MAPK10: variants seen among roughly 807,000 people sequenced by gnomAD.
MAPK10 encodes mitogen-activated protein kinase 10.
MAPK10 carries 25 observed loss-of-function variants against 59.3 expected under a neutral mutation model. The ratio of observed to expected loss-of-function variants is 0.42; its 90% CI spans 0.31 to 0.59. MAPK10 has a LOEUF of 0.59. MAPK10 is among the 20% of genes least tolerant of loss of function. The pLI is 0.15. For synonymous variants in MAPK10, 190 were observed against 200.5 expected (o/e 0.95, Z 0.44); for missense variants, 351 against 568.9 (o/e 0.62, Z 3.90).
At chr4:86,293,509 G>A (rs1019191144) in intron 2 of MAPK10, among the ~76,000 whole-genome samples, 4 of 152,166 alleles carry the variant, frequency 2.6e-5, no homozygotes, top group African/African-American at 4.8e-5. Context: ...TCTGCACTAG[G>A]AAGGCTGCTT....
At chr4:86,416,205 A>G (rs1014402482) in intron 1 of MAPK10, among the ~76,000 whole-genome samples, 5 of 152,216 alleles carry the variant, frequency 3.3e-5, no homozygotes, top group Non-Finnish European at 5.9e-5. Context: ...CACATGCACA[A>G]GGAAAACACC....
chr4:86,171,916 T>C (rs1386489293), intron 3 of MAPK10, among the ~76,000 whole-genome samples: 13 of 150,936 alleles, frequency 8.6e-5, no homozygotes, highest in African/African-American at 2.2e-4. Context: ...GGGCGAAGGA[T>C]ATGAACAGAC....
At chr4:86,102,092 T>C in intron 6 of MAPK10, 60 bp from the exon 7 acceptor site, 2 of 1,455,836 alleles carry the variant, frequency 1.4e-6, no homozygotes, top group Non-Finnish European at 1.9e-6. Flanking sequence ...GTCCTTTGAT[T>C]TAGTCAGAAT....
At chr4:86,359,263 C>CTCTCTCT (rs1554248207) in intron 1 of MAPK10, among the ~76,000 whole-genome samples, 9 of 53,450 alleles carry the variant, frequency 1.7e-4, no homozygotes, top group East Asian at 7.0e-4. Flanking sequence ...TTTTTTTTTT[C>CTCTCTCT]CTCTCTCTCT....
chr4:86,157,101 TG>T (rs2068019498), intron 4 of MAPK10, among the ~76,000 whole-genome samples: 1 of 152,028 alleles, frequency 6.6e-6, no homozygotes, highest in Admixed American at 6.6e-5. Flanking sequence ...TAACTTCTTT[TG>T]AAGATATTTT....
At chr4:86,174,707 C>T (rs747280006) in intron 3 of MAPK10, among the ~76,000 whole-genome samples, 30 of 152,154 alleles carry the variant, frequency 2.0e-4, no homozygotes, top group Non-Finnish European at 3.2e-4. Context: ...ACTCCTGAGT[C>T]ACCAGATAGA....
chr4:86,075,066 C>G (rs1579714878), intron 9 of MAPK10, among the ~76,000 whole-genome samples: 1 of 149,986 alleles, frequency 6.7e-6, no homozygotes, highest in South Asian at 2.1e-4. Flanking sequence ...CATATAGTCC[C>G]ATATTTCTTG....
At position 86,365,410 on chromosome 4, in the gene MAPK10, C is replaced by A. The variant is rs1473985207; in HGVS notation, c.-121-10766G>T. Among the ~76,000 whole-genome samples the A allele has an allele frequency of 3.5e-4, 38 of 107,380 alleles. 1 individual carries two copies. Among genetic ancestry groups the A allele is most frequent in the Non-Finnish European group, 5.1e-4 (29 of 57,050 alleles). 70.4% of individuals were successfully genotyped at this position (107,380 alleles called of 152,430 possible). A position where few individuals can be genotyped will look rare whatever the true frequency, so the allele number is the denominator to read the frequency against. On this transcript the variant is annotated intron_variant, in intron 1 of 13. Transcript: ENST00000361569. The stretch of plus-strand genomic sequence containing the variant: ...CTGCACCATTGCGCTCCAGCCTGGG[C>A]AACAGGGTGAGACTCTGTCTCAAAA...
rs1743641636 is a variant in MAPK10 at position 86,017,157 on chromosome 4, G to A, written c.*71C>T. On this transcript the variant is annotated 3_prime_UTR_variant, in exon 14 of 14. Transcript: ENST00000641462. This position sits in a 1 kb window ranked among gnomAD's most constrained non-coding sequence, Gnocchi z 4.4. ...TGTGTCTGCATTTGTGTGTGTGTGTGTGTCTGCGTGTGTGTGTGTTCCATC... is the reference window on the plus strand; with the variant it reads ...TGTGTCTGCATTTGTGTGTGTGTGTATGTCTGCGTGTGTGTGTGTTCCATC... The A allele has an allele frequency of 2.0e-6, 3 of 1,481,090 alleles. No individual in the cohort carries two copies. The South Asian group carries it at 3.6e-5, about 18-fold the overall frequency. 91.7% of individuals were successfully genotyped at this position (1,481,090 alleles called of 1,614,324 possible). A position where few individuals can be genotyped will look rare whatever the true frequency, so the allele number is the denominator to read the frequency against.
chr4:86,515,691 T>C (rs1756601801), intron 1 of MAPK10, among the ~76,000 whole-genome samples: 1 of 152,132 alleles, frequency 6.6e-6, no homozygotes, highest in African/African-American at 2.4e-5. Context: ...TTATTTGTTT[T>C]TTTTCTTGCT....
chr4:86,463,709 A>G (rs954920167), intron 1 of MAPK10, among the ~76,000 whole-genome samples: 4 of 152,176 alleles, frequency 2.6e-5, no homozygotes, highest in African/African-American at 9.7e-5. Context: ...GGGGACATTA[A>G]TTGGATATGA....
chr4:86,518,259 G>A (rs1756852626), intron 1 of MAPK10, among the ~76,000 whole-genome samples: 1 of 152,230 alleles, frequency 6.6e-6, no homozygotes, highest in Admixed American at 6.5e-5. Flanking sequence ...CTGGCCTCAA[G>A]TGATCTGCCC....
At chr4:86,033,990 C>T (rs1044039959) in intron 11 of MAPK10, among the ~76,000 whole-genome samples, 3 of 152,020 alleles carry the variant, frequency 2.0e-5, no homozygotes, top group Non-Finnish European at 4.4e-5. Context: ...TTTGAGCACT[C>T]GCTTGTGCTC....
chr4:86,553,569 G>A (rs1760023853), intron 1 of MAPK10, among the ~76,000 whole-genome samples: 1 of 152,098 alleles, frequency 6.6e-6, no homozygotes, highest in Non-Finnish European at 1.5e-5. Context: ...GAGGAAGGTG[G>A]GGTCAGGGTC....
At chr4:86,213,922 T>A (rs1459613612) in intron 2 of MAPK10, among the ~76,000 whole-genome samples, 4 of 151,718 alleles carry the variant, frequency 2.6e-5, no homozygotes, top group Admixed American at 6.6e-5. Flanking sequence ...TACAAGAAAA[T>A]AAAACCACAG....
At chr4:86,515,413 T>G (rs1756576233) in intron 1 of MAPK10, among the ~76,000 whole-genome samples, 1 of 152,220 alleles carries the variant, frequency 6.6e-6, no homozygotes, top group Non-Finnish European at 1.5e-5. Flanking sequence ...ATCTCCACAC[T>G]GTTTTTTATA....
chr4:86,250,799 G>A (rs2093372260), intron 2 of MAPK10, among the ~76,000 whole-genome samples: 1 of 152,140 alleles, frequency 6.6e-6, no homozygotes, highest in South Asian at 2.1e-4. Context: ...CAAAGAGCCA[G>A]ACTGATTAAT....
intron 2 of MAPK10, among the ~76,000 whole-genome samples, chr4:86,280,958 A>G (rs149609030): frequency 6.6e-5 from 10 of 152,166 alleles, no homozygotes; most frequent in African/African-American, 2.4e-4. Flanking sequence ...AAGGAGGAAA[A>G]GGGAGGCAAG....
At chr4:86,465,573 C>A (rs1202909996) in intron 1 of MAPK10, among the ~76,000 whole-genome samples, 1 of 152,190 alleles carries the variant, frequency 6.6e-6, no homozygotes, top group Non-Finnish European at 1.5e-5. Context: ...TCTACAGAAA[C>A]CAGCTGCAAA....
Sources: allele counts gnomAD v4.1 joint callset (sites outside exome capture counted in the v4.1 genomes callset), GRCh38; gene constraint gnomAD v4.1.1; non-coding constraint Gnocchi (gnomAD v3.1); transcripts MANE v1.5; gene names NCBI Gene and HGNC (gene_info 2026-07-23, HGNC 2026-07-21).